The following MITF variants were observed in gnomAD, a reference collection of about 807,000 sequenced individuals.
MITF encodes melanocyte inducing transcription factor.
Under a neutral mutation model 60.5 loss-of-function variants are expected in MITF, and 17 were observed. That is an observed-to-expected ratio of 0.28 (90% CI 0.19 to 0.42). The LOEUF (loss-of-function observed/expected upper bound fraction) is 0.42. Among genes scored for constraint, MITF ranks in the 10% least tolerant of loss-of-function variants. The pLI is 1.00. For missense variants in MITF, 622 were observed against 683.5 expected (o/e 0.91, Z 1.00); for synonymous variants, 260 against 248.5 (o/e 1.05, Z -0.43).
chr3:69,780,428 T>C (rs550620899), intron 1 of MITF, among the ~76,000 whole-genome samples: 1 of 152,188 alleles, frequency 6.6e-6, no homozygotes, highest in Non-Finnish European at 1.5e-5. Flanking sequence ...TGTGGGTTCT[T>C]TGTTTTCTTG....
At chr3:69,806,218 G>C (rs768640054) in intron 1 of MITF, among the ~76,000 whole-genome samples, 66 of 151,870 alleles carry the variant, frequency 4.3e-4, no homozygotes, top group South Asian at 8.4e-4. Flanking sequence ...CTGAGTAGCT[G>C]GGATTACAGG....
rs945831502 is a variant in MITF, at chr3:69,937,431, C to T, written c.355-391C>T. Among the ~76,000 whole-genome samples the T allele has an allele frequency of 2.0e-5, 3 of 150,332 alleles. No homozygotes were observed. The Admixed American group carries it at 2.0e-4, about 10-fold the overall frequency. Reference sequence around the variant, plus strand: ...TTTAAAAAGAAAGCTGTTCTGTTCGCCAAGGAAAGTGAAACAAACAATTAT... The same window carrying T: ...TTTAAAAAGAAAGCTGTTCTGTTCGTCAAGGAAAGTGAAACAAACAATTAT... On this transcript the variant is annotated intron_variant, in intron 2 of 9. Transcript: ENST00000352241.
intron 1 of MITF, among the ~76,000 whole-genome samples, chr3:69,821,028 C>T (rs1306952217): frequency 6.6e-6 from 1 of 152,124 alleles, no homozygotes; most frequent in Non-Finnish European, 1.5e-5. Flanking sequence ...TCCAAACCCA[C>T]ATTTTCCAGC....
rs1363425921 is a variant in MITF at position 69,937,983 on chromosome 3, G to T, written c.516G>T (p.Val172=). ...NQPGDHVMPP[V]PGSSAPNSPM... ...CTGGCGATCATGTCATGCCACCGGT[G>T]CCGGGGAGCAGCGCACCCAACAGCC... Residue 172 remains valine (V), a synonymous_variant, in exon 3 of 10, where the codon GTG becomes GTT. Coordinates refer to ENST00000352241, the MANE Select transcript of MITF (RefSeq NM_001354604.2). The T allele has an allele frequency of 2.5e-6, 4 of 1,614,084 alleles. No homozygotes were observed. The highest frequency in any genetic ancestry group is 3.4e-6 in the Non-Finnish European group (4 of 1,180,022).
chr3:69,763,828 A>G (rs565900819), intron 1 of MITF: 3 of 1,366,830 alleles, frequency 2.2e-6, no homozygotes, highest in African/African-American at 1.5e-5. Context: ...ATTCCGCTCC[A>G]TCTCTGAAGT....
At chr3:69,827,999 T>C (rs1481769285) in intron 1 of MITF, among the ~76,000 whole-genome samples, 1 of 152,224 alleles carries the variant, frequency 6.6e-6, no homozygotes, top group Non-Finnish European at 1.5e-5. Context: ...AAGAGTTGAC[T>C]TCTGCGTCTA....
intron 1 of MITF, among the ~76,000 whole-genome samples, chr3:69,855,135 A>T (rs9836115): frequency 1.3e-5 from 2 of 151,486 alleles, no homozygotes; most frequent in African/African-American, 4.9e-5. Context: ...CATGGTCTAC[A>T]TTCTGCCTAC....
intron 2 of MITF, among the ~76,000 whole-genome samples, chr3:69,888,242 T>C (rs932686506): frequency 3.3e-5 from 5 of 152,046 alleles, no homozygotes; most frequent in African/African-American, 1.2e-4. Flanking sequence ...TCCTGCCAGT[T>C]AGGAAAGGCT....
chr3:69,924,391 G>A (rs1349359374), intron 2 of MITF, among the ~76,000 whole-genome samples: 1 of 152,212 alleles, frequency 6.6e-6, no homozygotes, highest in Non-Finnish European at 1.5e-5. Context: ...GCTGATAGGT[G>A]TGCTAAGTGC....
At chr3:69,860,553 G>C (rs1478463954) in intron 1 of MITF, among the ~76,000 whole-genome samples, 4 of 141,532 alleles carry the variant, frequency 2.8e-5, no homozygotes, top group African/African-American at 1.1e-4. Flanking sequence ...AGCGGAGATC[G>C]CGCCACAGCA....
intron 1 of MITF, among the ~76,000 whole-genome samples, chr3:69,867,385 A>G (rs1339691333): frequency 6.6e-6 from 1 of 152,220 alleles, no homozygotes; most frequent in Non-Finnish European, 1.5e-5. Context: ...CATCATTTTC[A>G]GTAGATACAT....
Position 69,879,326 on chromosome 3 carries a change from C to A in MITF, c.297C>A (p.Asn99Lys), listed in dbSNP as rs767050369. 2.5e-6 allele frequency: 4 copies of A among 1,614,234 alleles called. No individual in the cohort carries two copies. Among genetic ancestry groups the A allele is most frequent in the Non-Finnish European group, 3.4e-6 (4 of 1,180,052 alleles). ...RVPVSQTPAI[N>K]VSVPTTLPSA... ...CCGTGAGTCAGACACCAGCCATAAA[C>A]GTCAGTGTGCCCACCACCCTTCCCT... The change falls in exon 2 of 10, where the codon AAC becomes AAA. Residue 99 changes from asparagine (N) to lysine (K), a missense_variant. Around this residue, in one of 5 missense-constraint regions of MITF, gnomAD observed 149 missense variants for 157.8 expected, o/e 0.94. Coordinates refer to ENST00000352241, the MANE Select transcript of MITF (RefSeq NM_001354604.2).
At chr3:69,891,478 T>C (rs549457034) in intron 2 of MITF, among the ~76,000 whole-genome samples, 69 of 152,306 alleles carry the variant, frequency 4.5e-4, no homozygotes, top group African/African-American at 1.5e-3. Flanking sequence ...TCGTTAGAAA[T>C]ACAGATTCCC....
Position 69,939,098 on chromosome 3 carries a change from G to A in MITF, c.583G>A (p.Gly195Arg). Residue 195 changes from glycine (G) to arginine (R), a missense_variant and splice_region_variant, in exon 4 of 10, where the codon GGA (glycine) becomes AGA (arginine). Gly to Arg is a moderately radical substitution (Grantham distance 125, BLOSUM62 -2). Transcript: ENST00000352241. ...LTLNSNCEKEGFYKFEEQNRA... is the reference protein window; with the variant it reads ...LTLNSNCEKERFYKFEEQNRA... ...ACTGTTTTTGCTTGTGTTTTTGCAG[G>A]GATTTTATAAGTTTGAAGAGCAAAA... The A allele has an allele frequency of 6.2e-7, 1 of 1,613,866 alleles. No individual in the cohort carries two copies. Among genetic ancestry groups the A allele is most frequent in the Non-Finnish European group, 8.5e-7 (1 of 1,179,942 alleles).
rs1056970029 is a variant in MITF, at chr3:69,763,589, C to T, written c.104+23888C>T. Reference sequence around the variant, plus strand: ...CTTCCTAGTGTTGAGAGAAGGTGCACGTAAGCGTGTGGCAGAACGTCTGCA... The same window carrying T: ...CTTCCTAGTGTTGAGAGAAGGTGCATGTAAGCGTGTGGCAGAACGTCTGCA... On this transcript the variant is annotated intron_variant, in intron 1 of 9. Coordinates refer to ENST00000352241, the MANE Select transcript of MITF (RefSeq NM_001354604.2). 21 of 1,197,686 alleles carry T rather than the reference C, an allele frequency of 1.8e-5. No individual in the cohort carries two copies. In the Admixed American group the frequency reaches 1.9e-4, roughly 11 times the overall value. 74.2% of individuals were successfully genotyped at this position (1,197,686 alleles called of 1,614,324 possible).
intron 1 of MITF, among the ~76,000 whole-genome samples, chr3:69,802,790 C>G (rs1294792309): frequency 2.0e-5 from 3 of 149,924 alleles, no homozygotes; most frequent in Admixed American, 6.7e-5. Context: ...CTCCTAGGTT[C>G]CAGTGATTCT....
intron 2 of MITF, among the ~76,000 whole-genome samples, chr3:69,885,167 T>A (rs1035574922): frequency 3.5e-4 from 54 of 152,264 alleles, no homozygotes; most frequent in African/African-American, 1.2e-3. Flanking sequence ...AATGAAATGC[T>A]GGCAGATACG....
chr3:69,846,961 A>G (rs2063743454), intron 1 of MITF, among the ~76,000 whole-genome samples: 1 of 151,764 alleles, frequency 6.6e-6, no homozygotes, highest in South Asian at 2.1e-4. Context: ...TGATAATTCC[A>G]TATTTTCTGC....
At chr3:69,840,393 T>C (rs2063613901) in intron 1 of MITF, among the ~76,000 whole-genome samples, 1 of 152,142 alleles carries the variant, frequency 6.6e-6, no homozygotes, top group Non-Finnish European at 1.5e-5. Context: ...GACAGGAGTC[T>C]TGATGGAAGG....
Sources: allele counts gnomAD v4.1 joint callset (sites outside exome capture counted in the v4.1 genomes callset), GRCh38; gene constraint gnomAD v4.1.1; regional missense constraint gnomAD v4.1.1; transcripts MANE v1.5; gene names NCBI Gene and HGNC (gene_info 2026-07-23, HGNC 2026-07-21).